The following MAP4K3 variants were observed in gnomAD, a reference collection of about 807,000 sequenced individuals.
MAP4K3 encodes the protein MAPK/ERK kinase kinase kinase 3.
A neutral mutation model predicts 143.5 loss-of-function variants in MAP4K3; 94 were observed. The observed-to-expected ratio is 0.65, with a 90% CI of 0.55 to 0.78. The LOEUF (loss-of-function observed/expected upper bound fraction) is 0.78. MAP4K3 is among the 30% of genes least tolerant of loss of function. MAP4K3 has a pLI of 0.00. For synonymous variants in MAP4K3, 416 were observed against 347.2 expected, an observed-to-expected ratio of 1.20 and a Z score of -2.20; for missense variants, 1,077 against 1,068.1, an observed-to-expected ratio of 1.01 and a Z score of -0.12.
At chr2:39,356,033 C>G in intron 3 of MAP4K3, 2 of 430,476 alleles carry the variant, frequency 4.6e-6, no homozygotes, top group Non-Finnish European at 8.2e-6. Flanking sequence ...AGCATTTTCA[C>G]TAAAAGCACA....
intron 1 of MAP4K3, among the ~76,000 whole-genome samples, chr2:39,393,460 C>T (rs1666721928): frequency 1.3e-5 from 2 of 152,112 alleles, no homozygotes; most frequent in South Asian, 2.1e-4. Context: ...CCCGTTTTTA[C>T]CTGAAGTCAT....
chr2:39,430,822 C>T (rs776429333), intron 1 of MAP4K3, among the ~76,000 whole-genome samples: 4 of 152,144 alleles, frequency 2.6e-5, no homozygotes, highest in Admixed American at 6.5e-5. Flanking sequence ...TTACATTTAA[C>T]TCATTCTGTA....
At chr2:39,292,946 G>A (rs1006037463) in intron 17 of MAP4K3, 120 bp from the exon 18 acceptor site, 2 of 818,458 alleles carry the variant, frequency 2.4e-6, no homozygotes, top group Non-Finnish European at 4.0e-6. Context: ...CATCTTTATA[G>A]GATAGGATAG....
rs763876387 is a variant in MAP4K3, at chr2:39,290,306, G to T, written c.1300C>A (p.Pro434Thr). ...HSTLKAKIPP[P>T]LPPKPKSIFI... is the part of the protein sequence containing the mutation. The stretch of plus-strand genomic sequence containing the variant: ...AATCTGTCTACCTTTGGTGGCAAAG[G>T]AGGTGGAATTTTTGCTTTCAGAGTT... The change falls in exon 19 of 34, where the codon CCT becomes ACT. Residue 434 changes from proline to threonine, a missense_variant. By Grantham distance (38) the Pro-to-Thr change is conservative. Around this residue, in one of 2 missense-constraint regions of MAP4K3, gnomAD observed 864 missense variants for 801.2 expected, o/e 1.08. Coordinates refer to ENST00000263881, the MANE Select transcript of MAP4K3 (RefSeq NM_003618.4). 1 of 1,607,954 alleles carries T rather than the reference G, an allele frequency of 6.2e-7. No homozygotes were observed. Among genetic ancestry groups the T allele is most frequent in the Non-Finnish European group, 8.5e-7 (1 of 1,177,556 alleles).
chr2:39,269,506 ACT>A (rs1169758580), intron 26 of MAP4K3, among the ~76,000 whole-genome samples: 1 of 111,276 alleles, frequency 9.0e-6, no homozygotes, highest in African/African-American at 3.7e-5. Flanking sequence ...ACAGGGTCTC[ACT>A]CTGTTGCCCA....
intron 1 of MAP4K3, among the ~76,000 whole-genome samples, chr2:39,381,171 T>C (rs966110298): frequency 6.6e-6 from 1 of 152,236 alleles, no homozygotes; most frequent in Non-Finnish European, 1.5e-5. Context: ...TAGTATTCCA[T>C]TGTATGGAAA....
intron 15 of MAP4K3, among the ~76,000 whole-genome samples, chr2:39,301,748 G>T (rs750947095): frequency 1.5e-4 from 23 of 152,232 alleles, no homozygotes; most frequent in Non-Finnish European, 3.2e-4. Flanking sequence ...AATAGGCCGG[G>T]CGCAGTGGCT....
intron 6 of MAP4K3, 95 bp from the exon 7 acceptor site, chr2:39,333,669 C>T: frequency 1.6e-6 from 1 of 630,122 alleles, no homozygotes; most frequent in East Asian, 3.1e-5. Context: ...TAATCACAGC[C>T]TTAGACCTAG....
rs1667196145 is a variant in MAP4K3 at position 39,410,118 on chromosome 2, G to C, written c.96+26774C>G. Among the ~76,000 whole-genome samples the C allele has an allele frequency of 2.6e-5, 4 of 152,208 alleles. No individual in the cohort carries two copies. The South Asian group carries it at 8.3e-4, about 32-fold the overall frequency. On this transcript the variant is annotated intron_variant, in intron 1 of 33. Coordinates refer to ENST00000263881, the MANE Select transcript of MAP4K3 (RefSeq NM_003618.4). Reference sequence around the variant, plus strand: ...AGTAACTTTGGTTAATCTCTTTTTAGTTTCTACTTACACCTAGGTCTGGGT... The same window carrying C: ...AGTAACTTTGGTTAATCTCTTTTTACTTTCTACTTACACCTAGGTCTGGGT...
intron 12 of MAP4K3, among the ~76,000 whole-genome samples, chr2:39,317,139 C>A (rs934570341): frequency 1.3e-5 from 2 of 151,990 alleles, no homozygotes; most frequent in East Asian, 3.9e-4. Flanking sequence ...TTCGACAAAC[C>A]TGACAAAAAG....
At chr2:39,271,232 T>C (rs1681005505) in intron 26 of MAP4K3, among the ~76,000 whole-genome samples, 1 of 152,210 alleles carries the variant, frequency 6.6e-6, no homozygotes, top group African/African-American at 2.4e-5. Flanking sequence ...GAAGAGACTA[T>C]ATCTTATTCA....
chr2:39,290,883 C>T (rs895617722), intron 18 of MAP4K3, among the ~76,000 whole-genome samples: 3 of 152,058 alleles, frequency 2.0e-5, no homozygotes, highest in East Asian at 1.9e-4. Context: ...ATCCTACCAT[C>T]GTGGTTAACA....
intron 22 of MAP4K3, among the ~76,000 whole-genome samples, chr2:39,280,907 GA>G (rs1476434609): frequency 6.6e-6 from 1 of 151,952 alleles, no homozygotes; most frequent in Non-Finnish European, 1.5e-5. Context: ...TCCCTGGAAA[GA>G]TTCATTAAAA....
At chr2:39,422,017 C>T (rs1667561974) in intron 1 of MAP4K3, among the ~76,000 whole-genome samples, 1 of 151,044 alleles carries the variant, frequency 6.6e-6, no homozygotes, top group African/African-American at 2.4e-5. Context: ...TATAATTACT[C>T]CATACTATTC....
intron 1 of MAP4K3, among the ~76,000 whole-genome samples, chr2:39,397,160 T>C (rs1487897883): frequency 2.0e-5 from 3 of 152,160 alleles, no homozygotes; most frequent in African/African-American, 7.2e-5. Context: ...TAAAAATGGA[T>C]AGTGTAATGT....
intron 4 of MAP4K3, 60 bp from the exon 5 acceptor site, chr2:39,337,641 A>G: frequency 8.6e-7 from 1 of 1,164,622 alleles, no homozygotes; most frequent in Non-Finnish European, 1.3e-6. Flanking sequence ...TCAATATATA[A>G]TAAAGTTTTA....
At chr2:39,356,450 T>C (rs1012274800) in intron 2 of MAP4K3, 111 bp from the exon 3 acceptor site, 14 of 643,658 alleles carry the variant, frequency 2.2e-5, no homozygotes, top group Middle Eastern at 7.4e-4. Context: ...ACATAATTAA[T>C]GAGTTATAAA....
intron 2 of MAP4K3, among the ~76,000 whole-genome samples, chr2:39,358,308 T>A (rs1300287211): frequency 2.0e-5 from 3 of 152,240 alleles, no homozygotes; most frequent in Admixed American, 1.3e-4. Flanking sequence ...TATGTCTTCA[T>A]CATCTTTGTA....
chr2:39,393,865 T>C (rs141433971), intron 1 of MAP4K3, among the ~76,000 whole-genome samples: 64 of 152,174 alleles, frequency 4.2e-4, no homozygotes, highest in Admixed American at 2.2e-3. Flanking sequence ...AAATACTGAG[T>C]TTGGTTAAAA....
Sources: gnomAD v4.1 joint callset for allele counts (sites outside exome capture counted in the v4.1 genomes callset) on GRCh38, gnomAD v4.1.1 for gene constraint, gnomAD v4.1.1 regional missense constraint, MANE v1.5 for transcripts, NCBI Gene and HGNC (gene_info 2026-07-23, HGNC 2026-07-21) for gene names.